GALNT11: variants seen among roughly 807,000 people sequenced by gnomAD.
The protein encoded by GALNT11 is UDP-GalNAc:polypeptide N-acetylgalactosaminyltransferase 11.
In GALNT11, 47 loss-of-function variants were observed where a neutral mutation model predicts 72.7. The ratio of observed to expected loss-of-function variants is 0.65; its 90% CI spans 0.51 to 0.82. The LOEUF (loss-of-function observed/expected upper bound fraction) is 0.82, where lower values mean the gene tolerates loss of function less well. GALNT11 is among the 40% of genes least tolerant of loss of function. The pLI, the probability that GALNT11 is intolerant of heterozygous loss-of-function variation, is 0.00. For missense variants in GALNT11, 677 were observed against 778.4 expected, an observed-to-expected ratio of 0.87 and a Z score of 1.55; for synonymous variants, 270 against 286.6, an observed-to-expected ratio of 0.94 and a Z score of 0.58.
In GALNT11 at chr7:152,120,776, T is replaced by C. The variant is rs1038516283; in HGVS notation, c.1558-55T>C. The C allele has an allele frequency of 2.8e-6, 4 of 1,409,104 alleles. No homozygotes were observed. The African/African-American group carries it at 5.7e-5, about 20-fold the overall frequency. 87.3% of individuals were successfully genotyped at this position (1,409,104 alleles called of 1,614,324 possible). A position where few individuals can be genotyped will look rare whatever the true frequency, so the allele number is the denominator to read the frequency against. ...TCAATATGTGGAAGAATATGCAAAG[T>C]GTTGTTCAGTCTTAAAATTCGTTAT... On this transcript the variant is annotated intron_variant, in intron 10 of 11. Coordinates refer to ENST00000430044, the MANE Select transcript of GALNT11 (RefSeq NM_022087.4).
intron 1 of GALNT11, among the ~76,000 whole-genome samples, chr7:152,086,737 G>A (rs749635111): frequency 9.2e-5 from 14 of 152,162 alleles, no homozygotes; most frequent in African/African-American, 2.4e-4. Flanking sequence ...GTAGTTTCCC[G>A]GGTTTTTTGT....
Position 152,108,227 on chromosome 7 carries a change from A to C in GALNT11, c.902A>C (p.Lys301Thr), listed in dbSNP as rs1391698683. ...RGGFNWGLHF[K>T]WDLVPLSELG... is the part of the protein sequence containing the mutation. Reference sequence around the variant, plus strand: ...GGGTTCAACTGGGGACTGCACTTCAAATGGGATCTTGTCCCCCTTTCTGAG... The same window carrying C: ...GGGTTCAACTGGGGACTGCACTTCACATGGGATCTTGTCCCCCTTTCTGAG... Residue 301 changes from lysine to threonine, a missense_variant, in exon 6 of 12, where the codon AAA becomes ACA. Transcript: ENST00000430044. 2 of 1,614,006 alleles carry C rather than the reference A, an allele frequency of 1.2e-6. No individual in the cohort carries two copies. The highest frequency in any genetic ancestry group is 1.7e-6 in the Non-Finnish European group (2 of 1,179,990).
At chr7:152,050,730 A>G (rs148744367) in intron 1 of GALNT11, among the ~76,000 whole-genome samples, 3 of 152,266 alleles carry the variant, frequency 2.0e-5, no homozygotes, top group African/African-American at 7.2e-5. Flanking sequence ...CTGGGCTGCT[A>G]TTCAAGTTTA....
chr7:152,054,382 C>CT (rs759470631), intron 1 of GALNT11, among the ~76,000 whole-genome samples: 2,377 of 131,280 alleles, frequency 0.018, 46 homozygotes, highest in Admixed American at 0.069. Flanking sequence ...GTCTACCTCA[C>CT]TTTTTTTTTT....
At chr7:152,113,209 G>A (rs2129065385) in intron 7 of GALNT11, 37 bp from the exon 8 acceptor site, 1 of 1,560,034 alleles carries the variant, frequency 6.4e-7, no homozygotes, top group Non-Finnish European at 8.7e-7. Flanking sequence ...ACAACAACAT[G>A]AGGCAACTGT....
intron 1 of GALNT11, among the ~76,000 whole-genome samples, chr7:152,034,253 G>A (rs2082447541): frequency 6.6e-6 from 1 of 152,190 alleles, no homozygotes. Flanking sequence ...GGGGTAAGCT[G>A]AGAGGTCCTC....
chr7:152,098,215 G>C (rs1256532845), intron 2 of GALNT11, among the ~76,000 whole-genome samples: 5 of 152,106 alleles, frequency 3.3e-5, no homozygotes, highest in African/African-American at 9.7e-5. Flanking sequence ...ACTTTGGGAG[G>C]CTGAGGCTGG....
intron 1 of GALNT11, among the ~76,000 whole-genome samples, chr7:152,035,176 C>T (rs530629492): frequency 1.3e-5 from 2 of 152,282 alleles, no homozygotes; most frequent in East Asian, 3.9e-4. Context: ...GAGGAGGGAT[C>T]CTAAAATTCC....
At chr7:152,121,447 T>C in intron 11 of GALNT11, 99 bp from the exon 12 acceptor site, 1 of 1,422,384 alleles carries the variant, frequency 7.0e-7, no homozygotes, top group Non-Finnish European at 9.5e-7. Context: ...GGGACTATTG[T>C]ATCCCTTAAT....
chr7:152,070,067 G>A lies in GALNT11; in HGVS notation c.-38-24123G>A, dbSNP rs572068417. On this transcript the variant is annotated intron_variant, in intron 1 of 11. Coordinates refer to ENST00000430044, the MANE Select transcript of GALNT11 (RefSeq NM_022087.4). ...GCTGGAGAGCAGTGGTGTGATCTTG[G>A]CTCACTGCAAGCTCCGCCTCCCGGG... Among the ~76,000 whole-genome samples the A allele has an allele frequency of 2.0e-5, 3 of 149,070 alleles. No homozygotes were observed. The South Asian group carries it at 6.4e-4, about 32-fold the overall frequency.
At chr7:152,028,452 A>G (rs1400986567) in intron 1 of GALNT11, among the ~76,000 whole-genome samples, 2 of 152,106 alleles carry the variant, frequency 1.3e-5, no homozygotes, top group East Asian at 3.8e-4. Flanking sequence ...TCTGCTACCC[A>G]GTTAGCTAGT....
chr7:152,060,180 CCTTA>C (rs1433963328), intron 1 of GALNT11, among the ~76,000 whole-genome samples: 1 of 152,190 alleles, frequency 6.6e-6, no homozygotes, highest in East Asian at 1.9e-4. Context: ...TCTGCAGCTT[CCTTA>C]CTTTTCTCAG....
intron 1 of GALNT11, among the ~76,000 whole-genome samples, chr7:152,087,377 T>C (rs1310646448): frequency 6.6e-6 from 1 of 152,160 alleles, no homozygotes; most frequent in East Asian, 1.9e-4. Context: ...CTAGACTAAG[T>C]GAAGAGCCAG....
intron 1 of GALNT11, among the ~76,000 whole-genome samples, chr7:152,028,678 T>TC (rs907615892): frequency 5.2e-4 from 78 of 150,466 alleles, no homozygotes; most frequent in East Asian, 9.8e-4. Context: ...CACCTCTCAA[T>TC]CCCCCCCCTC....
chr7:152,120,731 T>G, intron 10 of GALNT11, 100 bp from the exon 11 acceptor site: 1 of 1,074,838 alleles, frequency 9.3e-7, no homozygotes, highest in Non-Finnish European at 1.4e-6. Context: ...GGTCTGTTTC[T>G]GCTTTGAGAC....
At position 152,121,631 on chromosome 7, in the gene GALNT11, C is replaced by T. The variant is rs1397006210; in HGVS notation, c.1781C>T (p.Ala594Val). 6 of 1,614,060 alleles carry T rather than the reference C, an allele frequency of 3.7e-6. No homozygotes were observed. The highest frequency in any genetic ancestry group is 2.2e-5 in the South Asian group (2 of 91,088). Residue 594 changes from alanine to valine, a missense_variant, in exon 12 of 12, where the codon GCG (alanine) becomes GTG (valine). By Grantham distance (64) the Ala-to-Val change is moderately conservative (BLOSUM62 0). Coordinates refer to ENST00000430044, the MANE Select transcript of GALNT11 (RefSeq NM_022087.4). ...PLGQKGSVAM[A>V]ICDGSSSQQW... is the part of the protein sequence containing the mutation. ...GGTCAGAAGGGCTCTGTCGCCATGG[C>T]GATCTGCGATGGCTCCTCTTCACAG... is the stretch of plus-strand genomic sequence containing the variant.
Position 152,103,222 on chromosome 7 carries a change from G to A in GALNT11, c.530G>A (p.Arg177His), listed in dbSNP as rs771748654. 1.9e-5 allele frequency: 31 copies of A among 1,613,344 alleles called. No homozygotes were observed. Among genetic ancestry groups the A allele is most frequent in the East Asian group, 1.6e-4 (7 of 44,876 alleles). The stretch of plus-strand genomic sequence containing the variant: ...CGGACAGTGCACAGTGTCATAGACC[G>A]CACGCCAGCACACCTGCTTCATGAG... ...LLRTVHSVID[R>H]TPAHLLHEII... Residue 177 changes from arginine to histidine, a missense_variant, in exon 4 of 12, where the codon CGC becomes CAC. Arg to His is a conservative substitution (Grantham distance 29). Transcript: ENST00000430044.
At chr7:152,084,531 G>A (rs2085522888) in intron 1 of GALNT11, among the ~76,000 whole-genome samples, 1 of 151,592 alleles carries the variant, frequency 6.6e-6, no homozygotes, top group Non-Finnish European at 1.5e-5. Flanking sequence ...TCGTACTTTT[G>A]TTGGCGTGTT....
Position 152,121,590 on chromosome 7 carries a change from A to T in GALNT11, c.1740A>T (p.Arg580Ser), listed in dbSNP as rs1256173353. 1.9e-6 allele frequency: 3 copies of T among 1,614,154 alleles called. No homozygotes were observed. The highest frequency in any genetic ancestry group is 2.5e-6 in the Non-Finnish European group (3 of 1,180,022). ...AGGTGTCGGTTGGACAGTGCCTGAG[A>T]GCAGTGGATCCCCTGGGTCAGAAGG... ...LYQVSVGQCL[R>S]AVDPLGQKGS... is the part of the protein sequence containing the mutation. The change falls in exon 12 of 12, where the codon AGA (arginine) becomes AGT (serine). Residue 580 changes from arginine to serine, a missense_variant. Arg to Ser is a moderately radical substitution (Grantham distance 110, BLOSUM62 -1). Coordinates refer to ENST00000430044, the MANE Select transcript of GALNT11 (RefSeq NM_022087.4).
Sources: allele counts gnomAD v4.1 joint callset (sites outside exome capture counted in the v4.1 genomes callset), GRCh38; gene constraint gnomAD v4.1.1; transcripts MANE v1.5; gene names NCBI Gene and HGNC (gene_info 2026-07-23, HGNC 2026-07-21).